The following ADCY2 variants were observed in gnomAD, a reference collection of about 807,000 sequenced individuals.
ADCY2 encodes the protein adenylate cyclase 2.
ADCY2 carries 31 observed loss-of-function variants against 125.2 expected under a neutral mutation model. That is an observed-to-expected ratio of 0.25 (90% CI 0.19 to 0.33). The LOEUF is 0.33. Among genes scored for constraint, ADCY2 ranks in the 10% least tolerant of loss-of-function variants. The probability of loss-of-function intolerance (pLI) is 1.00; values close to 1 mark genes in which losing one functional copy is unlikely to be tolerated. For missense variants in ADCY2, 904 were observed against 1,418.2 expected, an observed-to-expected ratio of 0.64 and a Z score of 5.82; for synonymous variants, 512 against 548.4, an observed-to-expected ratio of 0.93 and a Z score of 0.93.
chr5:7,491,060 A>G (rs546104909), intron 2 of ADCY2, among the ~76,000 whole-genome samples: 3 of 152,224 alleles, frequency 2.0e-5, no homozygotes, highest in Admixed American at 1.3e-4. Flanking sequence ...TAGATTAATT[A>G]TGTTACATGG....
At chr5:7,648,013 C>T (rs996076199) in intron 4 of ADCY2, among the ~76,000 whole-genome samples, 5 of 152,210 alleles carry the variant, frequency 3.3e-5, no homozygotes, top group African/African-American at 1.2e-4. Flanking sequence ...TCAGTTTCCT[C>T]CTGCATAAAA....
In ADCY2 at chr5:7,682,745, C is replaced by A. The variant is rs16878960; in HGVS notation, c.721-7946C>A. Among the ~76,000 whole-genome samples, 626 of 152,268 alleles carry A rather than the reference C, an allele frequency of 4.1e-3. 4 individuals are homozygous for A. The highest frequency in any genetic ancestry group is 0.024 in the Middle Eastern group (7 of 294). On this transcript the variant is annotated intron_variant, in intron 4 of 24. Transcript: ENST00000338316. ...CCTCCCTGAGTTTAGGATGGTAATG[C>A]TATGCTGCCAGCATTCTTAAGGATG...
rs1014811257 is a variant in ADCY2, at chr5:7,665,701, G to A, written c.721-24990G>A. 3.3e-5 allele frequency among the ~76,000 whole-genome samples: 5 copies of A among 151,394 alleles called. No individual in the cohort carries two copies. In the South Asian group the frequency reaches 8.3e-4, roughly 25 times the overall value. The stretch of plus-strand genomic sequence containing the variant: ...GTCATCGCTGGAGAGACACTGGCTC[G>A]TTTCCTTCTCCTGCTCTTTTTCCTT... On this transcript the variant is annotated intron_variant, in intron 4 of 24. Coordinates refer to ENST00000338316, the MANE Select transcript of ADCY2 (RefSeq NM_020546.3).
At chr5:7,753,188 T>C (rs950800333) in intron 15 of ADCY2, among the ~76,000 whole-genome samples, 5 of 152,172 alleles carry the variant, frequency 3.3e-5, no homozygotes, top group Admixed American at 6.5e-5. Flanking sequence ...TGAGCCACAG[T>C]GCCTGGCTAG....
intron 2 of ADCY2, among the ~76,000 whole-genome samples, chr5:7,475,294 A>G (rs17229159): frequency 0.048 from 7,261 of 152,254 alleles, 303 homozygotes; most frequent in Admixed American, 0.14. Flanking sequence ...CTGAGGGGTC[A>G]CTGTATCCGT....
chr5:7,820,575 T>C lies in ADCY2; in HGVS notation c.3009T>C (p.His1003=), dbSNP rs1457733235. Residue 1003 remains histidine (H), a synonymous_variant, in exon 24 of 25, where the codon CAT becomes CAC. Transcript: ENST00000338316. The stretch of plus-strand genomic sequence containing the variant: ...TCTGATGTGGCACAGGTATTAACCA[T>C]GGACCTGTGATAGCTGGTGTGATTG... ...NDFKLRVGIN[H]GPVIAGVIGA... 2 of 1,613,748 alleles carry C rather than the reference T, an allele frequency of 1.2e-6. No homozygotes were observed. Among genetic ancestry groups the C allele is most frequent in the Admixed American group, 1.7e-5 (1 of 59,996 alleles).
At chr5:7,644,695 C>T (rs903631911) in intron 4 of ADCY2, among the ~76,000 whole-genome samples, 1 of 152,162 alleles carries the variant, frequency 6.6e-6, no homozygotes, top group African/African-American at 2.4e-5. Flanking sequence ...TTCTCTCCCA[C>T]CCAAACTCTA....
intron 4 of ADCY2, among the ~76,000 whole-genome samples, chr5:7,682,585 G>T (rs1185118761): frequency 6.6e-6 from 1 of 152,184 alleles, no homozygotes; most frequent in African/African-American, 2.4e-5. Flanking sequence ...GACTGAATCT[G>T]GGAGGGGCTG....
At chr5:7,465,244 CCTT>C (rs1344980379) in intron 2 of ADCY2, among the ~76,000 whole-genome samples, 1 of 152,182 alleles carries the variant, frequency 6.6e-6, no homozygotes, top group Non-Finnish European at 1.5e-5. Flanking sequence ...CATATGGTCT[CCTT>C]CATCTCACAT....
chr5:7,574,005 G>A (rs1156868851), intron 3 of ADCY2, among the ~76,000 whole-genome samples: 3 of 117,018 alleles, frequency 2.6e-5, no homozygotes, highest in African/African-American at 6.3e-5. Context: ...GTGAGAATAT[G>A]CGGTGTTTGG....
At chr5:7,512,415 G>C (rs918657410) in intron 2 of ADCY2, among the ~76,000 whole-genome samples, 2 of 151,998 alleles carry the variant, frequency 1.3e-5, no homozygotes, top group Non-Finnish European at 2.9e-5. Flanking sequence ...GGATGATGTT[G>C]TAGCCACAGG....
chr5:7,590,128 G>A (rs983578425), intron 3 of ADCY2, among the ~76,000 whole-genome samples: 11 of 152,138 alleles, frequency 7.2e-5, no homozygotes, highest in African/African-American at 2.4e-4. Context: ...TTGGAAATGA[G>A]ATAAAATGAA....
At chr5:7,422,221 A>G (rs1400654811) in intron 2 of ADCY2, among the ~76,000 whole-genome samples, 1 of 151,558 alleles carries the variant, frequency 6.6e-6, no homozygotes, top group Non-Finnish European at 1.5e-5. Flanking sequence ...TTTTTTTTTA[A>G]TTGAGATGGG....
chr5:7,548,733 A>G (rs1297091852), intron 3 of ADCY2, among the ~76,000 whole-genome samples: 1 of 152,188 alleles, frequency 6.6e-6, no homozygotes, highest in Non-Finnish European at 1.5e-5. Flanking sequence ...TTGAAAGTGG[A>G]GTCGAGTTGA....
chr5:7,538,783 G>A (rs11134237), intron 3 of ADCY2, among the ~76,000 whole-genome samples: 56,614 of 151,182 alleles, frequency 0.37, 12,115 homozygotes, highest in Non-Finnish European at 0.48. Context: ...TGAAAGGCAA[G>A]CAGAAAGAGT....
intron 3 of ADCY2, among the ~76,000 whole-genome samples, chr5:7,577,153 T>C (rs929771547): frequency 2.6e-4 from 40 of 152,180 alleles, no homozygotes; most frequent in Admixed American, 1.9e-3. Context: ...TTAGTCAGTC[T>C]CTGCTACCCA....
chr5:7,636,701 A>G (rs1222850320), intron 4 of ADCY2, among the ~76,000 whole-genome samples: 1 of 152,242 alleles, frequency 6.6e-6, no homozygotes, highest in Admixed American at 6.5e-5. Context: ...ATGGTTCAAT[A>G]GAAGCCAAGA....
chr5:7,571,066 A>AT (rs1045146067), intron 3 of ADCY2, among the ~76,000 whole-genome samples: 41 of 151,580 alleles, frequency 2.7e-4, no homozygotes, highest in African/African-American at 9.6e-4. Flanking sequence ...TGCTATGGGA[A>AT]TTTTTTTTGG....
In ADCY2 at chr5:7,766,738, A is replaced by G; in HGVS notation, c.2146A>G (p.Asn716Asp). 1.2e-6 allele frequency: 2 copies of G among 1,612,214 alleles called. No individual in the cohort carries two copies. Among genetic ancestry groups the G allele is most frequent in the South Asian group, 1.1e-5 (1 of 90,432 alleles). Reference sequence around the variant, plus strand: ...AATCCCTCCAACTGCCAACACAACAAACACAAGCTTTTCAGCCTCAAATAA... The same window carrying G: ...AATCCCTCCAACTGCCAACACAACAGACACAAGCTTTTCAGCCTCAAATAA... ...ETIPPTANTT[N>D]TSFSASNNQV... The change falls in exon 17 of 25, where the codon AAC becomes GAC. Residue 716 changes from asparagine (N) to aspartate (D), a missense_variant. By Grantham distance (23) the Asn-to-Asp change is conservative. Coordinates refer to ENST00000338316, the MANE Select transcript of ADCY2 (RefSeq NM_020546.3).
Sources: allele counts gnomAD v4.1 joint callset (sites outside exome capture counted in the v4.1 genomes callset), GRCh38; gene constraint gnomAD v4.1.1; transcripts MANE v1.5; gene names NCBI Gene and HGNC (gene_info 2026-07-23, HGNC 2026-07-21).